CDH13: variants seen among roughly 807,000 people sequenced by gnomAD.
CDH13 encodes the protein cadherin 13.
A neutral mutation model predicts 63.8 loss-of-function variants in CDH13; 24 were observed. The ratio of observed to expected loss-of-function variants is 0.38; its 90% confidence interval spans 0.27 to 0.53. The LOEUF (loss-of-function observed/expected upper bound fraction) is 0.53, where lower values mean the gene tolerates loss of function less well. Among genes scored for constraint, CDH13 ranks in the 20% least tolerant of loss-of-function variants. CDH13 has a pLI of 0.85. For missense variants in CDH13, 1,049 were observed against 903.1 expected, an observed-to-expected ratio of 1.16 and a Z score of -2.07; for synonymous variants, 503 against 355.3, an observed-to-expected ratio of 1.42 and a Z score of -4.67.
rs1214690644 is a variant in CDH13, at chr16:83,191,504, T to TACACAC, written c.484-25819_484-25814dup. Among the ~76,000 whole-genome samples, 31 of 93,806 alleles carry TACACAC rather than the reference T, an allele frequency of 3.3e-4. 1 individual carries two copies. Among genetic ancestry groups the TACACAC allele is most frequent in the African/African-American group, 1.1e-3 (28 of 24,786 alleles). 61.5% of individuals were successfully genotyped at this position (93,806 alleles called of 152,430 possible). Reference sequence around the variant, plus strand: ...ATATATATATGCACATATATATATATACACACACACACACACACACACACA... The same window carrying TACACAC: ...ATATATATATGCACATATATATATATACACACACACACACACACACACACACACACA... On this transcript the variant is annotated intron_variant, in intron 4 of 13. Transcript: ENST00000567109.
At chr16:83,073,521 G>A (rs775030666) in intron 3 of CDH13, among the ~76,000 whole-genome samples, 7 of 151,984 alleles carry the variant, frequency 4.6e-5, no homozygotes, top group Non-Finnish European at 8.8e-5. Flanking sequence ...ATGGCGATGA[G>A]AATTCCCCAC....
intron 1 of CDH13, among the ~76,000 whole-genome samples, chr16:82,699,660 A>G (rs901509805): frequency 6.6e-6 from 1 of 152,242 alleles, no homozygotes; most frequent in Non-Finnish European, 1.5e-5. Flanking sequence ...AAATGTAATC[A>G]GTACACACAT....
intron 1 of CDH13, among the ~76,000 whole-genome samples, chr16:82,832,426 C>A (rs953267226): frequency 1.3e-5 from 2 of 152,112 alleles, no homozygotes; most frequent in Non-Finnish European, 2.9e-5. Context: ...TTCATCTCTT[C>A]TTCCTCCTCC....
At chr16:83,140,344 T>G (rs183480055) in intron 4 of CDH13, among the ~76,000 whole-genome samples, 1 of 152,224 alleles carries the variant, frequency 6.6e-6, no homozygotes, top group African/African-American at 2.4e-5. Flanking sequence ...CAACACGTGG[T>G]ATGGCAGACC....
intron 7 of CDH13, among the ~76,000 whole-genome samples, chr16:83,549,801 G>T (rs1182044421): frequency 6.6e-6 from 1 of 152,202 alleles, no homozygotes; most frequent in African/African-American, 2.4e-5. Context: ...TCGAGGAGAG[G>T]TGGAAGCAGG....
At chr16:83,335,093 C>T (rs962716010) in intron 5 of CDH13, among the ~76,000 whole-genome samples, 1 of 152,156 alleles carries the variant, frequency 6.6e-6, no homozygotes, top group Non-Finnish European at 1.5e-5. Flanking sequence ...CACACTCTAC[C>T]TTGCAAGATT....
In CDH13 at chr16:83,099,567, A is replaced by G. The variant is rs182157278; in HGVS notation, c.367-25818A>G. On this transcript the variant is annotated intron_variant, in intron 3 of 13. Transcript: ENST00000567109. ...TCGAAGTCCTAACCTCATGTGATCTACCTAACTCAGCCTCCCAAAGTGCTG... is the reference window on the plus strand; with the variant it reads ...TCGAAGTCCTAACCTCATGTGATCTGCCTAACTCAGCCTCCCAAAGTGCTG... Among the ~76,000 whole-genome samples the G allele has an allele frequency of 2.1e-3, 324 of 151,052 alleles. 1 individual carries two copies. The highest frequency in any genetic ancestry group is 3.3e-3 in the Non-Finnish European group (221 of 67,800).
chr16:82,886,422 C>A (rs946014038), intron 2 of CDH13, among the ~76,000 whole-genome samples: 1 of 152,108 alleles, frequency 6.6e-6, no homozygotes, highest in African/African-American at 2.4e-5. Flanking sequence ...TTTGCCATTT[C>A]GGTAGACAAA....
chr16:82,792,583 T>C (rs2036368663), intron 1 of CDH13, among the ~76,000 whole-genome samples: 1 of 152,106 alleles, frequency 6.6e-6, no homozygotes, highest in African/African-American at 2.4e-5. Context: ...GCCCCCTAGA[T>C]AGAAGGCAAG....
intron 7 of CDH13, among the ~76,000 whole-genome samples, chr16:83,579,658 A>G (rs978228818): frequency 1.3e-5 from 2 of 152,076 alleles, no homozygotes; most frequent in African/African-American, 2.4e-5. Context: ...TCCAAACCGT[A>G]TCAATCATTT....
chr16:83,311,168 C>T (rs936959493), intron 5 of CDH13, among the ~76,000 whole-genome samples: 2 of 152,172 alleles, frequency 1.3e-5, no homozygotes, highest in Admixed American at 1.3e-4. Context: ...CAAGTTCCTA[C>T]TTGTCATATG....
chr16:82,785,257 C>T (rs540374793), intron 1 of CDH13, among the ~76,000 whole-genome samples: 4 of 152,246 alleles, frequency 2.6e-5, no homozygotes, highest in African/African-American at 9.6e-5. Context: ...GGAAAGGCTG[C>T]CCACCAGTCC....
At chr16:83,071,440 C>G (rs1175293128) in intron 3 of CDH13, among the ~76,000 whole-genome samples, 1 of 152,186 alleles carries the variant, frequency 6.6e-6, no homozygotes, top group South Asian at 2.1e-4. Context: ...TACCATGTAG[C>G]TCTTCCCTGA....
At chr16:83,255,037 C>T (rs1208363291) in intron 5 of CDH13, among the ~76,000 whole-genome samples, 3 of 128,248 alleles carry the variant, frequency 2.3e-5, no homozygotes, top group African/African-American at 5.7e-5. Context: ...CAGTGCTCCT[C>T]ATGCATTTTG....
chr16:82,949,293 C>T (rs1458094684), intron 2 of CDH13, among the ~76,000 whole-genome samples: 1 of 152,196 alleles, frequency 6.6e-6, no homozygotes, highest in Non-Finnish European at 1.5e-5. Context: ...TGAATCACTG[C>T]AATCTCTGCT....
chr16:83,544,363 C>T (rs1172834880), intron 7 of CDH13, among the ~76,000 whole-genome samples: 1 of 152,048 alleles, frequency 6.6e-6, no homozygotes, highest in Non-Finnish European at 1.5e-5. Flanking sequence ...TATAGATGCT[C>T]CTCAACTTAC....
chr16:83,002,119 T>C (rs1912999846), intron 2 of CDH13, among the ~76,000 whole-genome samples: 1 of 152,220 alleles, frequency 6.6e-6, no homozygotes, highest in African/African-American at 2.4e-5. Context: ...CAAAAAGATA[T>C]GTCCACATCC....
chr16:83,147,659 T>C (rs1256271331), intron 4 of CDH13, among the ~76,000 whole-genome samples: 1 of 152,178 alleles, frequency 6.6e-6, no homozygotes, highest in Non-Finnish European at 1.5e-5. Flanking sequence ...CTTGACATCC[T>C]TATGGGAAAG....
intron 10 of CDH13, among the ~76,000 whole-genome samples, chr16:83,731,475 G>A (rs554315137): frequency 1.3e-5 from 2 of 152,158 alleles, no homozygotes; most frequent in African/African-American, 4.8e-5. Context: ...TTTGCAAAGT[G>A]TCTGTTCATG....
Sources: allele counts gnomAD v4.1 joint callset (sites outside exome capture counted in the v4.1 genomes callset), GRCh38; gene constraint gnomAD v4.1.1; transcripts MANE v1.5; gene names NCBI Gene and HGNC (gene_info 2026-07-23, HGNC 2026-07-21).